TMEM263: variants seen among roughly 807,000 people sequenced by gnomAD.
TMEM263 encodes transmembrane protein 263.
In TMEM263, 5 loss-of-function variants were observed where a neutral mutation model predicts 8.6. The ratio of observed to expected loss-of-function variants is 0.58; its 90% CI spans 0.31 to 1.23. TMEM263 has a LOEUF of 1.23. Ranked by LOEUF, TMEM263 falls within the 50% of genes most tolerant of loss-of-function variation. The pLI, the probability that TMEM263 is intolerant of heterozygous loss-of-function variation, is 0.07. For synonymous variants in TMEM263, 50 were observed against 47.9 expected, an observed-to-expected ratio of 1.04 and a Z score of -0.18; for missense variants, 104 against 138.8, an observed-to-expected ratio of 0.75 and a Z score of 1.26.
In TMEM263 at chr12:106,971,439, T is replaced by C. The variant is rs754397986; in HGVS notation, c.*48T>C. 2 of 1,516,040 alleles carry C rather than the reference T, an allele frequency of 1.3e-6. No homozygotes were observed. The highest frequency in any genetic ancestry group is 8.9e-7 in the Non-Finnish European group (1 of 1,129,164). The allele number at this position is 1,516,040 out of a possible 1,614,324, so 93.9% of individuals were successfully genotyped here. A position where few individuals can be genotyped will look rare whatever the true frequency, so the allele number is the denominator to read the frequency against. ...CCACAGCACTGTAATGCCAGTGGCA[T>C]TGAATTGCTAAATTATGGACTACAA... On this transcript the variant is annotated 3_prime_UTR_variant, in exon 4 of 4. Coordinates refer to ENST00000280756, the MANE Select transcript of TMEM263 (RefSeq NM_152261.4).
chr12:106,958,537 G>T (rs928664061), intron 2 of TMEM263, among the ~76,000 whole-genome samples: 20 of 152,158 alleles, frequency 1.3e-4, no homozygotes, highest in African/African-American at 4.8e-4. Context: ...TCTCTACAAT[G>T]CTTAATGTAA....
intron 3 of TMEM263, among the ~76,000 whole-genome samples, chr12:106,968,233 G>A (rs1951870724): frequency 6.6e-6 from 1 of 152,030 alleles, no homozygotes; most frequent in Non-Finnish European, 1.5e-5. Context: ...TTTATTGGTA[G>A]GCAAAAATGA....
At chr12:106,969,206 C>T (rs1286864278) in intron 3 of TMEM263, among the ~76,000 whole-genome samples, 4 of 152,142 alleles carry the variant, frequency 2.6e-5, no homozygotes, top group Admixed American at 1.3e-4. Flanking sequence ...GCTCAGTTTT[C>T]AGAATTTTTT....
Position 106,956,010 on chromosome 12 carries a change from C to T in TMEM263, c.-130C>T. On this transcript the variant is annotated 5_prime_UTR_variant, in exon 1 of 4. Transcript: ENST00000280756. ...CCCAGGCCGCCTCAGCTCTCCTCTGCGCCGGCCCGCTCACTCCGCCCGGCC... is the reference window on the plus strand; with the variant it reads ...CCCAGGCCGCCTCAGCTCTCCTCTGTGCCGGCCCGCTCACTCCGCCCGGCC... 1.0e-6 allele frequency: 1 copy of T among 986,078 alleles called. No homozygotes were observed. Among genetic ancestry groups the T allele is most frequent in the Non-Finnish European group, 1.2e-6 (1 of 830,520 alleles). The allele number at this position is 986,078 out of a possible 1,614,324, so 61.1% of individuals were successfully genotyped here.
chr12:106,971,112 G>T lies in TMEM263; in HGVS notation c.72G>T (p.Met24Ile). The T allele has an allele frequency of 6.2e-7, 1 of 1,613,994 alleles. No individual in the cohort carries two copies. Among genetic ancestry groups the T allele is most frequent in the Non-Finnish European group, 8.5e-7 (1 of 1,179,928 alleles). The change falls in exon 4 of 4, where the codon ATG (methionine) becomes ATT (isoleucine). Residue 24 changes from methionine to isoleucine, a missense_variant. Transcript: ENST00000280756. ...GATATTTTCTCTCATTAGGTTCAATGAAAGATCACCCACAGCAGCAGCCAG... is the reference window on the plus strand; with the variant it reads ...GATATTTTCTCTCATTAGGTTCAATTAAAGATCACCCACAGCAGCAGCCAG... Reference protein sequence around the residue: ...YLNDEPPEGSMKDHPQQQPGM... With the variant: ...YLNDEPPEGSIKDHPQQQPGM...
At chr12:106,970,354 A>G (rs1019914827) in intron 3 of TMEM263, among the ~76,000 whole-genome samples, 1 of 151,586 alleles carries the variant, frequency 6.6e-6, no homozygotes, top group Non-Finnish European at 1.5e-5. Flanking sequence ...ATATTAACAT[A>G]ATTAAAATAT....
intron 2 of TMEM263, among the ~76,000 whole-genome samples, chr12:106,959,929 TA>T (rs1951747454): frequency 6.6e-6 from 1 of 151,386 alleles, no homozygotes; most frequent in Non-Finnish European, 1.5e-5. Context: ...TTTAATTAAT[TA>T]AAAATTAGTA....
At chr12:106,962,548 C>T (rs1951792942) in intron 2 of TMEM263, among the ~76,000 whole-genome samples, 1 of 152,202 alleles carries the variant, frequency 6.6e-6, no homozygotes, top group African/African-American at 2.4e-5. Flanking sequence ...GTCGGCTTCT[C>T]ATCACTCTTT....
Position 106,957,140 on chromosome 12 carries a change from A to C in TMEM263, c.-16A>C, listed in dbSNP as rs1466826518. 1 of 985,844 alleles carries C rather than the reference A, an allele frequency of 1.0e-6. No individual in the cohort carries two copies. Among genetic ancestry groups the C allele is most frequent in the Admixed American group, 6.2e-5 (1 of 16,256 alleles). The allele number at this position is 985,844 out of a possible 1,614,324, so 61.1% of individuals were successfully genotyped here. A position where few individuals can be genotyped will look rare whatever the true frequency, so the allele number is the denominator to read the frequency against. ...GGGGTTCCCCAGGAATATCGATACA[A>C]CACCAACAGGTAAACGCGCGCGCCC... On this transcript the variant is annotated 5_prime_UTR_variant, in exon 2 of 4. Transcript: ENST00000280756.
chr12:106,956,094 G>A (rs1951685467), intron 1 of TMEM263, 29 bp downstream of exon 1: 3 of 965,936 alleles, frequency 3.1e-6, no homozygotes, highest in South Asian at 4.8e-5. Flanking sequence ...GAGGGCAGGG[G>A]CGCAGTCCCG....
rs1247130076 is a variant in TMEM263, at chr12:106,956,035, C to G, written c.-105C>G. The stretch of plus-strand genomic sequence containing the variant: ...CGCCGGCCCGCTCACTCCGCCCGGC[C>G]CCAGCCCTAGCGCTGGCCGCGACCC... On this transcript the variant is annotated 5_prime_UTR_variant, in exon 1 of 4. Transcript: ENST00000280756. 1.0e-6 allele frequency: 1 copy of G among 985,648 alleles called. No individual in the cohort carries two copies. Among genetic ancestry groups the G allele is most frequent in the African/African-American group, 1.7e-5 (1 of 57,246 alleles). The allele number at this position is 985,648 out of a possible 1,614,324, so 61.1% of individuals were successfully genotyped here.
chr12:106,960,254 C>T (rs184974143), intron 2 of TMEM263, among the ~76,000 whole-genome samples: 4,290 of 151,908 alleles, frequency 0.028, 91 homozygotes, highest in South Asian at 0.074. Flanking sequence ...AGACTGGTCT[C>T]GAACTCCTGA....
intron 2 of TMEM263, among the ~76,000 whole-genome samples, chr12:106,957,928 T>A (rs1951722501): frequency 6.6e-6 from 1 of 152,204 alleles, no homozygotes; most frequent in Non-Finnish European, 1.5e-5. Flanking sequence ...TAGAAAAACA[T>A]AAAAACAGTA....
rs1406255300 is a variant in TMEM263, at chr12:106,973,081, C to T, written c.*1690C>T. ...CATAAATACCAGCAGCAATTGTAAG[C>T]AAATCTACAAAGGTTCTTGAACCTT... On this transcript the variant is annotated 3_prime_UTR_variant, in exon 4 of 4. Transcript: ENST00000280756. The T allele has an allele frequency of 6.6e-6, 1 of 151,918 alleles. No homozygotes were observed. The highest frequency in any genetic ancestry group is 6.6e-5 in the Admixed American group (1 of 15,260). The allele number at this position is 151,918 out of a possible 1,614,324, so 9.4% of individuals were successfully genotyped here. A position where few individuals can be genotyped will look rare whatever the true frequency, so the allele number is the denominator to read the frequency against.
rs1052482730 is a variant in TMEM263 at position 106,972,880 on chromosome 12, A to G, written c.*1489A>G. ...GCCACCTTTTTTTTTTTTTTTTTTT[A>G]TAGTGGAGGGGAGGAAAGGGGGGTG... On this transcript the variant is annotated 3_prime_UTR_variant, in exon 4 of 4. Coordinates refer to ENST00000280756, the MANE Select transcript of TMEM263 (RefSeq NM_152261.4). The G allele has an allele frequency of 3.3e-5, 2 of 59,900 alleles. No homozygotes were observed. The highest frequency in any genetic ancestry group is 4.4e-4 in the East Asian group (1 of 2,262). 3.7% of individuals were successfully genotyped at this position (59,900 alleles called of 1,614,324 possible).
intron 2 of TMEM263, among the ~76,000 whole-genome samples, chr12:106,961,801 A>G (rs1427348810): frequency 6.6e-6 from 1 of 152,210 alleles, no homozygotes; most frequent in African/African-American, 2.4e-5. Context: ...TTAATATAGT[A>G]ATAACCTGCA....
At chr12:106,956,185 G>A in intron 1 of TMEM263, 120 bp downstream of exon 1, 1 of 465,998 alleles carries the variant, frequency 2.1e-6, no homozygotes, top group Non-Finnish European at 2.8e-6. Context: ...CTGCCCAGCG[G>A]GGCCTTGGCG....
chr12:106,969,061 C>G (rs1277413701), intron 3 of TMEM263, among the ~76,000 whole-genome samples: 1 of 152,104 alleles, frequency 6.6e-6, no homozygotes, highest in East Asian at 1.9e-4. Flanking sequence ...ATTGCTGTAT[C>G]TGTATTTATG....
intron 2 of TMEM263, among the ~76,000 whole-genome samples, chr12:106,965,647 C>T (rs1006192014): frequency 6.6e-6 from 1 of 151,700 alleles, no homozygotes; most frequent in Non-Finnish European, 1.5e-5. Context: ...AGTATCACAC[C>T]CTCTCATCCA....
Sources: gnomAD v4.1 joint callset for allele counts (sites outside exome capture counted in the v4.1 genomes callset) on GRCh38, gnomAD v4.1.1 for gene constraint, MANE v1.5 for transcripts, NCBI Gene and HGNC (gene_info 2026-07-23, HGNC 2026-07-21) for gene names.